The following GRAMD4 variants were observed in gnomAD, a reference collection of about 807,000 sequenced individuals.
GRAMD4 encodes the protein GRAM domain containing 4, also known as GRAM domain-containing protein 4.
Under a neutral mutation model 83.9 loss-of-function variants are expected in GRAMD4, and 25 were observed. The observed-to-expected ratio is 0.30, with a 90% CI of 0.22 to 0.42. The LOEUF is 0.42. Ranked by LOEUF, GRAMD4 falls within the 10% of genes least tolerant of loss-of-function variation. The pLI, the probability that GRAMD4 is intolerant of heterozygous loss-of-function variation, is 1.00. For synonymous variants in GRAMD4, 336 were observed against 320.9 expected, an observed-to-expected ratio of 1.05 and a Z score of -0.50; for missense variants, 593 against 788.7, an observed-to-expected ratio of 0.75 and a Z score of 2.97.
chr22:46,630,313 A>C (rs950348281), intron 2 of GRAMD4, among the ~76,000 whole-genome samples: 1 of 152,198 alleles, frequency 6.6e-6, no homozygotes, highest in Admixed American at 6.5e-5. Context: ...GACGTGAGCC[A>C]CCGCGCCCGA....
intron 2 of GRAMD4, among the ~76,000 whole-genome samples, chr22:46,635,460 G>A (rs113059316): frequency 0.47 from 4,385 of 9,280 alleles, 585 homozygotes; most frequent in African/African-American, 0.51. Context: ...GGGAGGCCGT[G>A]TCCTCCCTGC....
At chr22:46,589,890 C>G (rs61314860) in intron 1 of GRAMD4, among the ~76,000 whole-genome samples, 68,981 of 152,006 alleles carry the variant, frequency 0.45, 18,365 homozygotes, top group South Asian at 0.72. Flanking sequence ...TCAGAGAGGC[C>G]TCCTGTCAAC....
intron 17 of GRAMD4, among the ~76,000 whole-genome samples, chr22:46,675,869 A>C (rs1362171889): frequency 2.6e-5 from 4 of 152,194 alleles, no homozygotes; most frequent in Admixed American, 2.6e-4. Context: ...AAAGAAAAGC[A>C]CAGGGGCCCT....
chr22:46,669,599 G>A lies in GRAMD4; in HGVS notation c.1084+691G>A, dbSNP rs1321130496. On this transcript the variant is annotated intron_variant, in intron 13 of 18. Coordinates refer to ENST00000406902, the MANE Select transcript of GRAMD4 (RefSeq NM_015124.5). The stretch of plus-strand genomic sequence containing the variant: ...TCTCTCTTTTTTTTTTTTTGGAGAC[G>A]GAGTGTCGCTCTGTCGCCCAGGCTG... 4.7e-5 allele frequency among the ~76,000 whole-genome samples: 7 copies of A among 147,998 alleles called. No homozygotes were observed. In the South Asian group the frequency reaches 6.4e-4, roughly 13 times the overall value.
chr22:46,608,967 G>A (rs983781197), intron 1 of GRAMD4, among the ~76,000 whole-genome samples: 3 of 151,968 alleles, frequency 2.0e-5, no homozygotes, highest in African/African-American at 7.2e-5. Flanking sequence ...CGCCCCAGAG[G>A]CTGAGTTGCG....
chr22:46,606,903 C>T (rs944491975), intron 1 of GRAMD4, among the ~76,000 whole-genome samples: 1 of 152,236 alleles, frequency 6.6e-6, no homozygotes, highest in African/African-American at 2.4e-5. Flanking sequence ...ATTGCTGGGT[C>T]ATATGGTAGT....
chr22:46,586,482 G>T (rs2081151212), intron 1 of GRAMD4, among the ~76,000 whole-genome samples: 1 of 152,090 alleles, frequency 6.6e-6, no homozygotes, highest in South Asian at 2.1e-4. Flanking sequence ...CTCTGCTCTA[G>T]GCCCCAGACT....
At chr22:46,630,184 C>T (rs899865436) in intron 2 of GRAMD4, among the ~76,000 whole-genome samples, 7 of 152,008 alleles carry the variant, frequency 4.6e-5, no homozygotes, top group African/African-American at 1.5e-4. Flanking sequence ...ACCACCACGC[C>T]CGGCTAATAT....
Position 46,664,066 on chromosome 22 carries a change from C to G in GRAMD4, c.666C>G (p.Leu222=). Residue 222 remains leucine, a synonymous_variant, in exon 8 of 19, where the codon CTC becomes CTG. Coordinates refer to ENST00000406902, the MANE Select transcript of GRAMD4 (RefSeq NM_015124.5). ...CGGTCACTAACTTTGTGAAGAACCTCTCTGCCTTATCCGACTGGTACTCCG... is the reference window on the plus strand; with the variant it reads ...CGGTCACTAACTTTGTGAAGAACCTGTCTGCCTTATCCGACTGGTACTCCG... ...AKPVTNFVKN[L]SALSDWYSVY... The G allele has an allele frequency of 6.2e-7, 1 of 1,613,618 alleles. No individual in the cohort carries two copies.
chr22:46,579,638 A>G (rs560798547), intron 1 of GRAMD4, among the ~76,000 whole-genome samples: 67 of 152,150 alleles, frequency 4.4e-4, no homozygotes, highest in African/African-American at 1.6e-3. Flanking sequence ...TGTGTTAGTG[A>G]TTGTGCCATC....
rs1601675383 is a variant in GRAMD4 at position 46,668,749 on chromosome 22, A to C, written c.974+17A>C. 190 of 800,598 alleles carry C rather than the reference A, an allele frequency of 2.4e-4. No homozygotes were observed. The highest frequency in any genetic ancestry group is 3.6e-4 in the Non-Finnish European group (173 of 486,272). The allele number at this position is 800,598 out of a possible 1,614,324, so 49.6% of individuals were successfully genotyped here. On this transcript the variant is annotated intron_variant, in intron 12 of 18. Transcript: ENST00000406902. ...GATCAAGAAGTAAGTCCCGCCCCCC[A>C]CCCCGGCCCTGCGGCGCCCGCCCGG...
intron 3 of GRAMD4, 27 bp downstream of exon 3, chr22:46,637,987 G>A (rs1417261016): frequency 2.5e-6 from 4 of 1,610,142 alleles, no homozygotes; most frequent in East Asian, 2.2e-5. Flanking sequence ...GCTTGGAGGG[G>A]ATGGGACAAG....
rs753037964 is a variant in GRAMD4, at chr22:46,658,248, C to T, written c.345C>T (p.Asp115=). 3.7e-6 allele frequency: 6 copies of T among 1,613,512 alleles called. No homozygotes were observed. The highest frequency in any genetic ancestry group is 4.2e-6 in the Non-Finnish European group (5 of 1,179,918). Residue 115 remains aspartate, a synonymous_variant, in exon 4 of 19, where the codon GAC becomes GAT. Transcript: ENST00000406902. ...TNAEMLRQEL[D]RERQRRMELE... ...CGGAGATGCTGCGGCAGGAGCTGGA[C>T]CGCGAGCGGCAGCGGCGGATGGAGC...
chr22:46,591,916 C>T (rs982487411), intron 1 of GRAMD4, among the ~76,000 whole-genome samples: 1 of 118,882 alleles, frequency 8.4e-6, no homozygotes, highest in African/African-American at 4.0e-5. Context: ...TGCCCAGGGA[C>T]AGTCAGAAAG....
chr22:46,638,004 CA>C lies in GRAMD4; in HGVS notation c.283+45del, dbSNP rs529414112. ...TTGGAGGGGATGGGACAAGGTGGGT[CA>C]GGGGTGGCTGAGATGGGGGATGTCG... On this transcript the variant is annotated intron_variant, in intron 3 of 18. Transcript: ENST00000406902. The C allele has an allele frequency of 3.4e-4, 543 of 1,600,630 alleles. 4 individuals are homozygous for C. The East Asian group carries it at 0.011, about 34-fold the overall frequency.
chr22:46,621,980 T>C lies in GRAMD4; in HGVS notation c.-50+1415T>C, dbSNP rs966168970. On this transcript the variant is annotated intron_variant, in intron 1 of 18. Coordinates refer to ENST00000406902, the MANE Select transcript of GRAMD4 (RefSeq NM_015124.5). The surrounding 1 kb of genome is among the most constrained non-coding windows in gnomAD (Gnocchi z 5.8). The stretch of plus-strand genomic sequence containing the variant: ...CTAGGACCCTGATGTGTGGACGCCC[T>C]CCCCAAGGGCCGCTGTGAACCATCC... Among the ~76,000 whole-genome samples the C allele has an allele frequency of 2.0e-5, 3 of 152,100 alleles. No homozygotes were observed. The highest frequency in any genetic ancestry group is 2.9e-5 in the Non-Finnish European group (2 of 68,000).
chr22:46,597,558 C>T (rs1055244203), intron 1 of GRAMD4, among the ~76,000 whole-genome samples: 5 of 152,108 alleles, frequency 3.3e-5, no homozygotes, highest in African/African-American at 7.2e-5. Context: ...GGCGCGATCC[C>T]GGCTCACTGC....
At chr22:46,617,539 G>A (rs768081960), upstream of GRAMD4, among the ~76,000 whole-genome samples, 8 of 151,742 alleles carry the variant, frequency 5.3e-5, no homozygotes, top group African/African-American at 1.2e-4. Context: ...TCCCTTGTGC[G>A]TGTAGGTTCC....
intron 4 of GRAMD4, among the ~76,000 whole-genome samples, chr22:46,658,786 C>CCAGCCGCACTGCAGCCCCTCAGGCTG (rs1352490988): frequency 5.3e-5 from 8 of 151,328 alleles, no homozygotes; most frequent in African/African-American, 2.0e-4. Flanking sequence ...CCTGTCTGCC[C>CCAGCCGCACTGCAGCCCCTCAGGCTG]CAGCCACGCT....
Sources: allele counts gnomAD v4.1 joint callset (sites outside exome capture counted in the v4.1 genomes callset), GRCh38; gene constraint gnomAD v4.1.1; non-coding constraint Gnocchi (gnomAD v3.1); transcripts MANE v1.5; gene names NCBI Gene and HGNC (gene_info 2026-07-23, HGNC 2026-07-21).